Variants in FSTL5 observed in about 807,000 individuals in gnomAD.
FSTL5 encodes the protein follistatin like 5.
In FSTL5, 62 loss-of-function variants were observed where a neutral mutation model predicts 89.1. That is an observed-to-expected ratio of 0.70 (90% CI 0.57 to 0.86). The LOEUF is 0.86. Ranked by LOEUF, FSTL5 falls within the 40% of genes least tolerant of loss-of-function variation. FSTL5 has a pLI of 0.00. For synonymous variants in FSTL5, 383 were observed against 346.2 expected, an observed-to-expected ratio of 1.11 and a Z score of -1.18; for missense variants, 1,057 against 1,001.6, an observed-to-expected ratio of 1.06 and a Z score of -0.75.
intron 6 of FSTL5, among the ~76,000 whole-genome samples, chr4:161,680,957 C>G (rs1379697838): frequency 6.6e-6 from 1 of 151,930 alleles, no homozygotes; most frequent in African/African-American, 2.4e-5. Flanking sequence ...ATAAATCATT[C>G]AGTTCAGTGA....
At chr4:161,702,162 C>T (rs948460187) in intron 6 of FSTL5, among the ~76,000 whole-genome samples, 1 of 151,992 alleles carries the variant, frequency 6.6e-6, no homozygotes, top group African/African-American at 2.4e-5. Context: ...ATACAAGCTA[C>T]TTTATGTTAT....
chr4:162,065,822 T>C (rs1038563065), intron 2 of FSTL5, among the ~76,000 whole-genome samples: 1 of 152,096 alleles, frequency 6.6e-6, no homozygotes, highest in African/African-American at 2.4e-5. Flanking sequence ...AAATTGATTA[T>C]GTTATCATTA....
At chr4:161,752,725 G>C (rs12511094) in intron 6 of FSTL5, among the ~76,000 whole-genome samples, 80,186 of 152,018 alleles carry the variant, frequency 0.53, 25,160 homozygotes, top group Non-Finnish European at 0.69. Flanking sequence ...GGACTGAATT[G>C]TGTCTCCTCC....
chr4:161,906,194 C>A (rs1733521778), intron 4 of FSTL5, among the ~76,000 whole-genome samples: 1 of 152,064 alleles, frequency 6.6e-6, no homozygotes, highest in Non-Finnish European at 1.5e-5. Flanking sequence ...CAGTTGGAAT[C>A]AAATCTTCAC....
At chr4:161,787,168 A>C (rs1741934786) in intron 4 of FSTL5, among the ~76,000 whole-genome samples, 1 of 152,144 alleles carries the variant, frequency 6.6e-6, no homozygotes, top group Admixed American at 6.6e-5. Context: ...TTCAGTGGAT[A>C]AATATAATGA....
chr4:162,094,862 TTACTC>T (rs1372914741), intron 2 of FSTL5, among the ~76,000 whole-genome samples: 4 of 152,100 alleles, frequency 2.6e-5, no homozygotes, highest in African/African-American at 9.7e-5. Flanking sequence ...ATGAAGCACT[TTACTC>T]TATATTGCTT....
At chr4:161,489,071 T>C (rs560984840) in intron 12 of FSTL5, among the ~76,000 whole-genome samples, 89 of 152,314 alleles carry the variant, frequency 5.8e-4, no homozygotes, top group African/African-American at 2.1e-3. Context: ...TAAAATGTTA[T>C]AGTGGTTTTT....
chr4:161,476,043 T>C (rs1734124502), intron 13 of FSTL5, among the ~76,000 whole-genome samples: 1 of 151,500 alleles, frequency 6.6e-6, no homozygotes, highest in South Asian at 2.1e-4. Flanking sequence ...GATTCTGTTT[T>C]CTTTAAATGA....
At chr4:162,102,616 T>A (rs1388364575) in intron 2 of FSTL5, among the ~76,000 whole-genome samples, 1 of 146,084 alleles carries the variant, frequency 6.8e-6, no homozygotes, top group Admixed American at 6.9e-5. Flanking sequence ...ATATTATATA[T>A]AAAATATTTA....
chr4:162,150,518 A>G (rs1027679815), intron 1 of FSTL5, among the ~76,000 whole-genome samples: 2 of 152,208 alleles, frequency 1.3e-5, no homozygotes, highest in Admixed American at 6.5e-5. Context: ...AATGAAGTTA[A>G]GATTCTTTTA....
Position 161,741,698 on chromosome 4 carries a change from T to TTA in FSTL5, c.727+17712_727+17713insTA, listed in dbSNP as rs1553962519. On this transcript the variant is annotated intron_variant, in intron 6 of 15. Coordinates refer to ENST00000306100, the MANE Select transcript of FSTL5 (RefSeq NM_020116.5). ...GAAGTATGATTTTTTTTTTTTTTTT[T>TTA]TTTTTTGGAGGTGGAGTCTCACTCT... 4.6e-3 allele frequency among the ~76,000 whole-genome samples: 669 copies of TTA among 145,034 alleles called. 4 individuals are homozygous for TTA. The highest frequency in any genetic ancestry group is 7.6e-3 in the Non-Finnish European group (502 of 65,922).
chr4:162,095,753 T>C (rs977772159), intron 2 of FSTL5, among the ~76,000 whole-genome samples: 3 of 151,988 alleles, frequency 2.0e-5, no homozygotes, highest in Admixed American at 2.0e-4. Context: ...ACATAGTTAC[T>C]TAGAACATCA....
At chr4:161,772,721 T>C (rs1741251634) in intron 5 of FSTL5, among the ~76,000 whole-genome samples, 1 of 152,020 alleles carries the variant, frequency 6.6e-6, no homozygotes, top group Non-Finnish European at 1.5e-5. Flanking sequence ...GAAACACATC[T>C]CATGCTCATG....
At chr4:161,415,034 A>G (rs539344428) in intron 15 of FSTL5, among the ~76,000 whole-genome samples, 2 of 152,202 alleles carry the variant, frequency 1.3e-5, no homozygotes, top group African/African-American at 4.8e-5. Flanking sequence ...GATATATTGT[A>G]GGTGCTTAGT....
chr4:161,620,095 A>G (rs1735063769), intron 7 of FSTL5, among the ~76,000 whole-genome samples: 1 of 150,680 alleles, frequency 6.6e-6, no homozygotes, highest in Non-Finnish European at 1.5e-5. Flanking sequence ...AAGAAGAAAA[A>G]AAGAACCACC....
chr4:161,563,191 T>G (rs1732669615), intron 8 of FSTL5, among the ~76,000 whole-genome samples: 1 of 151,992 alleles, frequency 6.6e-6, no homozygotes, highest in East Asian at 1.9e-4. Context: ...ACTTCTCCAT[T>G]TATCTATCAA....
At chr4:162,037,960 A>C (rs1031880607) in intron 2 of FSTL5, among the ~76,000 whole-genome samples, 1 of 151,966 alleles carries the variant, frequency 6.6e-6, no homozygotes, top group Non-Finnish European at 1.5e-5. Context: ...ATTTACTTTA[A>C]ATGAGAAAAC....
At chr4:161,655,935 T>G (rs927304305) in intron 7 of FSTL5, among the ~76,000 whole-genome samples, 2 of 152,200 alleles carry the variant, frequency 1.3e-5, no homozygotes, top group Admixed American at 6.5e-5. Context: ...TAATTTTTCC[T>G]TTTACAAAAT....
At chr4:162,038,912 T>G (rs560261630) in intron 2 of FSTL5, among the ~76,000 whole-genome samples, 31 of 151,984 alleles carry the variant, frequency 2.0e-4, no homozygotes, top group Non-Finnish European at 3.1e-4. Flanking sequence ...ATCAATGAAT[T>G]GTCCTCCCTT....
Sources: gnomAD v4.1 joint callset for allele counts (sites outside exome capture counted in the v4.1 genomes callset) on GRCh38, gnomAD v4.1.1 for gene constraint, MANE v1.5 for transcripts, NCBI Gene and HGNC (gene_info 2026-07-23, HGNC 2026-07-21) for gene names.